The following RBM42 variants were observed in gnomAD, a reference collection of about 807,000 sequenced individuals.
RBM42 encodes the protein RNA binding motif protein 42.
In RBM42, 21 loss-of-function variants were observed where a neutral mutation model predicts 41.4. The ratio of observed to expected loss-of-function variants is 0.51; its 90% CI spans 0.36 to 0.73. RBM42 has a LOEUF of 0.73. Among genes scored for constraint, RBM42 ranks in the 30% least tolerant of loss-of-function variants. The pLI is 0.00. For synonymous variants in RBM42, 272 were observed against 271.2 expected (o/e 1.00, Z -0.03); for missense variants, 539 against 680.4 (o/e 0.79, Z 2.31).
At chr19:35,634,823 C>T (rs369897617) in intron 8 of RBM42, among the ~76,000 whole-genome samples, 7 of 151,300 alleles carry the variant, frequency 4.6e-5, no homozygotes, top group African/African-American at 1.7e-4. Flanking sequence ...TGTACCTGGC[C>T]GGGAAAAATT....
intron 2 of RBM42, among the ~76,000 whole-genome samples, chr19:35,630,919 G>A (rs748455567): frequency 6.6e-6 from 1 of 152,214 alleles, no homozygotes; most frequent in Non-Finnish European, 1.5e-5. Context: ...GGTGCTAAGT[G>A]CTGTGGGGAA....
Position 35,637,356 on chromosome 19 carries a change from G to C in RBM42, c.1330+4G>C. 1 of 1,614,136 alleles carries C rather than the reference G, an allele frequency of 6.2e-7. No individual in the cohort carries two copies. Among genetic ancestry groups the C allele is most frequent in the Non-Finnish European group, 8.5e-7 (1 of 1,179,962 alleles). ...CGCGCCATGCGTGAGATGAATGGTGGGTGCGGCCTCCCCTGGGAACTGCAG... is the reference window on the plus strand; with the variant it reads ...CGCGCCATGCGTGAGATGAATGGTGCGTGCGGCCTCCCCTGGGAACTGCAG... On this transcript the variant is annotated splice_donor_region_variant and intron_variant, in intron 9 of 9. Coordinates refer to ENST00000262633, the MANE Select transcript of RBM42 (RefSeq NM_024321.5). The surrounding 1 kb of genome is among the most constrained non-coding windows in gnomAD (Gnocchi z 7.0).
At chr19:35,630,245 C>T (rs751916565) in intron 2 of RBM42, among the ~76,000 whole-genome samples, 27 of 150,144 alleles carry the variant, frequency 1.8e-4, no homozygotes, top group Middle Eastern at 3.5e-3. Flanking sequence ...ACCCAGGAAG[C>T]GGAGGTTGCA....
At chr19:35,634,123 G>T in intron 7 of RBM42, 104 bp downstream of exon 7, 1 of 1,520,450 alleles carries the variant, frequency 6.6e-7, no homozygotes, top group Non-Finnish European at 8.8e-7. Context: ...ACCTGGGGGA[G>T]GGAGGCGGAC....
In RBM42 at chr19:35,633,995, AC is replaced by A; in HGVS notation, c.998del (p.Pro333GlnfsTer24). On this transcript the variant is annotated frameshift_variant, in exon 7 of 10. Coordinates refer to ENST00000262633, the MANE Select transcript of RBM42 (RefSeq NM_024321.5). LOFTEE classifies it high-confidence loss of function. ...GGCCCCGGCCCCCTCGGCCAGAGCC[AC>A]CCCCAGGCCTCATGGCTCTTGAGGT... ...PRPRPPRPEP[P>X]PGLMALEVPE... 1 of 1,526,150 alleles carries A rather than the reference AC, an allele frequency of 6.6e-7. No homozygotes were observed. Among genetic ancestry groups the A allele is most frequent in the African/African-American group, 1.4e-5 (1 of 72,584 alleles). 94.5% of individuals were successfully genotyped at this position (1,526,150 alleles called of 1,614,324 possible).
chr19:35,637,475 G>A lies in RBM42; in HGVS notation c.1364G>A (p.Arg455His). The A allele has an allele frequency of 1.2e-6, 2 of 1,614,230 alleles. No individual in the cohort carries two copies. The highest frequency in any genetic ancestry group is 1.7e-6 in the Non-Finnish European group (2 of 1,180,042). Residue 455 changes from arginine (R) to histidine (H), a missense_variant, in exon 10 of 10, where the codon CGC (arginine) becomes CAC (histidine). Arg to His is a conservative substitution (Grantham distance 29, BLOSUM62 0). Transcript: ENST00000262633. This position sits in a 1 kb window ranked among gnomAD's most constrained non-coding sequence, Gnocchi z 7.0. ...GTGGGCTCGCGCCCCATCAAGCTTC[G>A]CAAGAGCATGTGGAAGGACCGGAAT... is the stretch of plus-strand genomic sequence containing the variant. ...KYVGSRPIKL[R>H]KSMWKDRNLD...
chr19:35,633,271 C>CT lies in RBM42; in HGVS notation c.684+20dup. 2 of 1,544,858 alleles carry CT rather than the reference C, an allele frequency of 1.3e-6. No homozygotes were observed. Among genetic ancestry groups the CT allele is most frequent in the Non-Finnish European group, 1.7e-6 (2 of 1,148,652 alleles). On this transcript the variant is annotated intron_variant, in intron 6 of 9. Coordinates refer to ENST00000262633, the MANE Select transcript of RBM42 (RefSeq NM_024321.5). ...CCCTCTGGTGAGTGTGAACAGGGAACTAACGGTCAGATGTGCGGTGGACGG... is the reference window on the plus strand; with the variant it reads ...CCCTCTGGTGAGTGTGAACAGGGAACTTAACGGTCAGATGTGCGGTGGACGG...
chr19:35,633,830 C>T lies in RBM42; in HGVS notation c.828C>T (p.Gly276=). The T allele has an allele frequency of 6.5e-7, 1 of 1,549,266 alleles. No homozygotes were observed. The highest frequency in any genetic ancestry group is 1.2e-5 in the South Asian group (1 of 83,296). The change falls in exon 7 of 10, where the codon GGC becomes GGT. Residue 276 remains glycine, a synonymous_variant. Transcript: ENST00000262633. ...TGGGGGCAGGAGGTGCCCCAGCTGGCCCTGCAGTCATTGGGCCCAGCCTGC... is the reference window on the plus strand; with the variant it reads ...TGGGGGCAGGAGGTGCCCCAGCTGGTCCTGCAGTCATTGGGCCCAGCCTGC... The part of the protein sequence containing the change: ...VAVGAGGAPA[G]PAVIGPSLPL...
Position 35,637,246 on chromosome 19 carries a change from T to C in RBM42, c.1224T>C (p.Leu408=). 6.2e-7 allele frequency: 1 copy of C among 1,614,148 alleles called. No individual in the cohort carries two copies. The highest frequency in any genetic ancestry group is 8.5e-7 in the Non-Finnish European group (1 of 1,180,018). ...ARAFSRFPSF[L]KAKVIRDKRT... ...CCTTCAGCCGCTTCCCATCCTTCCT[T>C]AAGGCCAAGGTGATCCGTGACAAGC... is the stretch of plus-strand genomic sequence containing the variant. The change falls in exon 9 of 10, where the codon CTT becomes CTC. Residue 408 remains leucine (L), a synonymous_variant. Transcript: ENST00000262633. This position sits in a 1 kb window ranked among gnomAD's most constrained non-coding sequence, Gnocchi z 7.0.
In RBM42 at chr19:35,633,150, C is replaced by T. The variant is rs752716305; in HGVS notation, c.582C>T (p.Gly194=). 5 of 1,567,030 alleles carry T rather than the reference C, an allele frequency of 3.2e-6. No individual in the cohort carries two copies. In the South Asian group the frequency reaches 4.4e-5, roughly 14 times the overall value. The part of the protein sequence containing the change: ...ALRPPHQALV[G]PPLPGPPGPP... ...GGCCCCCTCACCAGGCCCTCGTGGG[C>T]CCCCCTCTGCCTGGGCCCCCTGGAC... Residue 194 remains glycine, a synonymous_variant, in exon 6 of 10, where the codon GGC becomes GGT. Transcript: ENST00000262633.
chr19:35,635,069 C>T (rs1221575551), intron 8 of RBM42, among the ~76,000 whole-genome samples: 1 of 151,764 alleles, frequency 6.6e-6, no homozygotes, highest in Non-Finnish European at 1.5e-5. Flanking sequence ...AATCCCAGCA[C>T]TTTGGGAGGC....
chr19:35,632,931 C>G lies in RBM42; in HGVS notation c.443-5C>G. 1 of 1,486,896 alleles carries G rather than the reference C, an allele frequency of 6.7e-7. No homozygotes were observed. The highest frequency in any genetic ancestry group is 9.4e-7 in the Non-Finnish European group (1 of 1,065,132). 92.1% of individuals were successfully genotyped at this position (1,486,896 alleles called of 1,614,324 possible). Reference sequence around the variant, plus strand: ...GACACACACCCCCATCTCTCTCTCCCACAGCTGTGGCCCCCCAGAGGGCCC... The same window carrying G: ...GACACACACCCCCATCTCTCTCTCCGACAGCTGTGGCCCCCCAGAGGGCCC... On this transcript the variant is annotated splice_region_variant and splice_polypyrimidine_tract_variant and intron_variant, in intron 4 of 9. Transcript: ENST00000262633.
intron 7 of RBM42, 28 bp downstream of exon 7, chr19:35,634,047 A>T (rs538503420): frequency 9.5e-6 from 14 of 1,470,422 alleles, no homozygotes; most frequent in Non-Finnish European, 1.3e-5. Context: ...CGGTGAAGGG[A>T]CAGAAGGGAC....
chr19:35,635,504 A>G (rs1967481366), intron 8 of RBM42, among the ~76,000 whole-genome samples: 1 of 148,942 alleles, frequency 6.7e-6, no homozygotes, highest in African/African-American at 2.5e-5. Context: ...ATGTCCTTCA[A>G]TTATATCTTT....
intron 8 of RBM42, 88 bp downstream of exon 8, chr19:35,634,461 CCT>C (rs1967462137): frequency 4.3e-6 from 4 of 928,080 alleles, no homozygotes; most frequent in African/African-American, 3.2e-5. Flanking sequence ...GAGGGTGAAC[CCT>C]CTCAGTAGGG....
rs1967356237 is a variant in RBM42 at position 35,629,043 on chromosome 19, CT to C, written c.-110del. ...CATGCGCCAGCGCCCGTCGCTTTTG[CT>C]GGACGTCATCCTCGGGAGCCCACCC... On this transcript the variant is annotated 5_prime_UTR_variant, in exon 1 of 10. Transcript: ENST00000262633. 1 of 1,415,038 alleles carries C rather than the reference CT, an allele frequency of 7.1e-7. No individual in the cohort carries two copies. Among genetic ancestry groups the C allele is most frequent in the Non-Finnish European group, 9.3e-7 (1 of 1,079,506 alleles). The allele number at this position is 1,415,038 out of a possible 1,614,324, so 87.7% of individuals were successfully genotyped here.
chr19:35,629,087 A>C lies in RBM42; in HGVS notation c.-67A>C. 6.8e-7 allele frequency: 1 copy of C among 1,471,396 alleles called. No homozygotes were observed. The highest frequency in any genetic ancestry group is 9.0e-7 in the Non-Finnish European group (1 of 1,114,902). The allele number at this position is 1,471,396 out of a possible 1,614,324, so 91.1% of individuals were successfully genotyped here. On this transcript the variant is annotated 5_prime_UTR_variant, in exon 1 of 10. Transcript: ENST00000262633. ...GCCCACCCGGACGAAGGGGGAGAGT[A>C]GACAGCAGAACCAGCGGCGGCGGCT...
intron 4 of RBM42, among the ~76,000 whole-genome samples, chr19:35,632,443 A>G (rs1355163824): frequency 6.6e-6 from 1 of 152,210 alleles, no homozygotes; most frequent in Admixed American, 6.5e-5. Context: ...TTGCTTATAA[A>G]TATTCTTCCT....
At chr19:35,629,429 G>A in intron 1 of RBM42, 91 bp from the exon 2 acceptor site, 7 of 1,564,532 alleles carry the variant, frequency 4.5e-6, no homozygotes, top group Non-Finnish European at 6.1e-6. Flanking sequence ...TAGGGGAGAG[G>A]TTGGCAGGGG....
Sources: allele counts gnomAD v4.1 joint callset (sites outside exome capture counted in the v4.1 genomes callset), GRCh38; gene constraint gnomAD v4.1.1; non-coding constraint Gnocchi (gnomAD v3.1); transcripts MANE v1.5; gene names NCBI Gene and HGNC (gene_info 2026-07-23, HGNC 2026-07-21).